KIT: variants seen among roughly 807,000 people sequenced by gnomAD.
KIT encodes the protein KIT proto-oncogene, receptor tyrosine kinase.
In KIT, 16 loss-of-function variants were observed where a neutral mutation model predicts 105.7. The ratio of observed to expected loss-of-function variants is 0.15; its 90% CI spans 0.10 to 0.23. The LOEUF is 0.23. KIT is among the 10% of genes least tolerant of loss of function. The pLI is 1.00. For missense variants in KIT, 858 were observed against 1,213.8 expected (o/e 0.71, Z 4.36); for synonymous variants, 438 against 441.1 (o/e 0.99, Z 0.09).
intron 16 of KIT, among the ~76,000 whole-genome samples, 160 bp from the exon 17 acceptor site, chr4:54,732,910 G>A (rs1215323696): frequency 6.6e-6 from 1 of 152,110 alleles, no homozygotes; most frequent in African/African-American, 2.4e-5. Context: ...ATCATTCAAG[G>A]CGTACTTTTG....
At chr4:54,680,346 G>A (rs895253100) in intron 1 of KIT, among the ~76,000 whole-genome samples, 42 of 144,590 alleles carry the variant, frequency 2.9e-4, no homozygotes, top group Non-Finnish European at 5.4e-4. Context: ...AGAGTTTAGG[G>A]TTGTCACACT....
chr4:54,659,741 C>T (rs1717106928), intron 1 of KIT, among the ~76,000 whole-genome samples: 1 of 152,156 alleles, frequency 6.6e-6, no homozygotes, highest in Admixed American at 6.5e-5. Flanking sequence ...TTTTTAATAT[C>T]AGTTAAGCTA....
In KIT at chr4:54,740,455, T is replaced by C; in HGVS notation, c.*1898T>C. 4.3e-6 allele frequency: 1 copy of C among 233,436 alleles called. No individual in the cohort carries two copies. The highest frequency in any genetic ancestry group is 6.1e-5 in the East Asian group (1 of 16,486). 14.5% of individuals were successfully genotyped at this position (233,436 alleles called of 1,614,324 possible). On this transcript the variant is annotated 3_prime_UTR_variant, in exon 21 of 21. Coordinates refer to ENST00000288135, the MANE Select transcript of KIT (RefSeq NM_000222.3). ...TTTTATAATTTTTTCTTACATCAGA[T>C]GTTTCTTTGCAGTGGCTTAATGTTT...
intron 19 of KIT, 124 bp from the exon 20 acceptor site, chr4:54,737,051 A>C: frequency 2.7e-6 from 2 of 752,374 alleles, no homozygotes; most frequent in South Asian, 2.9e-5. Flanking sequence ...TATGTTATCT[A>C]TATGTCAGTC....
intron 8 of KIT, among the ~76,000 whole-genome samples, chr4:54,724,645 T>C (rs1466732206): frequency 6.6e-6 from 1 of 152,108 alleles, no homozygotes; most frequent in Non-Finnish European, 1.5e-5. Flanking sequence ...TATGAGTTTA[T>C]GTTCTAGTGC....
In KIT at chr4:54,709,481, A is replaced by T. The variant is rs767377458; in HGVS notation, c.1173A>T (p.Thr391=). Residue 391 remains threonine (T), a synonymous_variant, in exon 7 of 21, where the codon ACA becomes ACT. Transcript: ENST00000288135. ...AAGGCACCGAAGGAGGCACTTACAC[A>T]TTCCTAGTGTCCAATTCTGACGTCA... ...RLKGTEGGTY[T]FLVSNSDVNA... is the part of the protein sequence containing the mutation. The T allele has an allele frequency of 1.9e-6, 3 of 1,613,996 alleles. No individual in the cohort carries two copies. The highest frequency in any genetic ancestry group is 2.2e-5 in the East Asian group (1 of 44,872).
At chr4:54,686,535 A>G (rs1274209727) in intron 1 of KIT, among the ~76,000 whole-genome samples, 2 of 152,176 alleles carry the variant, frequency 1.3e-5, no homozygotes, top group African/African-American at 4.8e-5. Context: ...CCTCATGACT[A>G]AACCTGAGTA....
At chr4:54,667,197 C>A (rs1264062396) in intron 1 of KIT, among the ~76,000 whole-genome samples, 2 of 152,222 alleles carry the variant, frequency 1.3e-5, no homozygotes, top group Admixed American at 6.5e-5. Context: ...CCCTTTCCAT[C>A]TGTCCTTTCC....
chr4:54,706,662 A>G (rs1248450692), intron 5 of KIT, among the ~76,000 whole-genome samples: 1 of 152,176 alleles, frequency 6.6e-6, no homozygotes, highest in Non-Finnish European at 1.5e-5. Context: ...TTCTTCAAAT[A>G]CTAAAGAACA....
chr4:54,686,865 A>G (rs928589699), intron 1 of KIT, among the ~76,000 whole-genome samples: 3 of 152,144 alleles, frequency 2.0e-5, no homozygotes, highest in Non-Finnish European at 4.4e-5. Context: ...TTTAATCATG[A>G]GTTCTGCCTA....
At position 54,736,798 on chromosome 4, in the gene KIT, C is replaced by T. The variant is rs1280110686; in HGVS notation, c.2674C>T (p.Pro892Ser). 9 of 1,613,974 alleles carry T rather than the reference C, an allele frequency of 5.6e-6. No homozygotes were observed. The highest frequency in any genetic ancestry group is 7.6e-6 in the Non-Finnish European group (9 of 1,179,954). Residue 892 changes from proline (P) to serine (S), a missense_variant, in exon 19 of 21, where the codon CCT (proline) becomes TCT (serine). Physicochemically the swap from Pro to Ser is moderately conservative, Grantham distance 74 (BLOSUM62 -1). Transcript: ENST00000288135. ...MIKEGFRMLS[P>S]EHAPAEMYDI... ...CAAGGAAGGCTTCCGGATGCTCAGCCCTGAACACGCACCTGCTGAAATGTA... is the reference window on the plus strand; with the variant it reads ...CAAGGAAGGCTTCCGGATGCTCAGCTCTGAACACGCACCTGCTGAAATGTA...
In KIT at chr4:54,669,981, T is replaced by C. The variant is rs1372770237; in HGVS notation, c.67+11900T>C. ...TCACTACCTGCCACCAGTGCTGCCC[T>C]CCAGAGGGCTGAGCACCAGCTCCAT... On this transcript the variant is annotated intron_variant, in intron 1 of 20. Transcript: ENST00000288135. Among the ~76,000 whole-genome samples, 3 of 152,250 alleles carry C rather than the reference T, an allele frequency of 2.0e-5. No homozygotes were observed. In the East Asian group the frequency reaches 5.8e-4, roughly 30 times the overall value.
At chr4:54,678,765 C>T (rs1052875186) in intron 1 of KIT, among the ~76,000 whole-genome samples, 1 of 152,094 alleles carries the variant, frequency 6.6e-6, no homozygotes, top group Non-Finnish European at 1.5e-5. Flanking sequence ...CAAAGCTGGA[C>T]CCACTTTTTG....
intron 1 of KIT, among the ~76,000 whole-genome samples, chr4:54,659,895 G>A (rs999640444): frequency 6.6e-6 from 1 of 151,950 alleles, no homozygotes; most frequent in Non-Finnish European, 1.5e-5. Flanking sequence ...GGGGCAGTGT[G>A]GTGTAACGAC....
intron 7 of KIT, among the ~76,000 whole-genome samples, chr4:54,710,581 C>G (rs1721085030): frequency 7.8e-6 from 1 of 128,642 alleles, no homozygotes; most frequent in African/African-American, 3.0e-5. Context: ...GTCTCTCACT[C>G]TCTCTCCCTG....
chr4:54,724,024 T>C (rs988458829), intron 8 of KIT, among the ~76,000 whole-genome samples: 6 of 152,208 alleles, frequency 3.9e-5, no homozygotes, highest in African/African-American at 1.2e-4. Context: ...CAGGAGGTAA[T>C]GTGTGTGGGA....
chr4:54,707,054 G>A (rs1314183939), intron 5 of KIT, 44 bp from the exon 6 acceptor site: 9 of 1,132,994 alleles, frequency 7.9e-6, no homozygotes, highest in Non-Finnish European at 1.1e-5. Context: ...TTGTCCAGTA[G>A]TTGTAGATAA....
chr4:54,659,127 C>T (rs1717048659), intron 1 of KIT, among the ~76,000 whole-genome samples: 1 of 152,176 alleles, frequency 6.6e-6, no homozygotes, highest in Admixed American at 6.5e-5. Context: ...CCTCCCCGCC[C>T]CCGGGACTTC....
chr4:54,685,938 T>G (rs1335045579), intron 1 of KIT, among the ~76,000 whole-genome samples: 1 of 152,226 alleles, frequency 6.6e-6, no homozygotes, highest in Non-Finnish European at 1.5e-5. Context: ...TGCCCTGTTT[T>G]AGCCTGTACT....
Sources: allele counts gnomAD v4.1 joint callset (sites outside exome capture counted in the v4.1 genomes callset), GRCh38; gene constraint gnomAD v4.1.1; transcripts MANE v1.5; gene names NCBI Gene and HGNC (gene_info 2026-07-23, HGNC 2026-07-21).